GRHPR: variants seen among roughly 807,000 people sequenced by gnomAD.
GRHPR encodes the protein glyoxylate reductase/hydroxypyruvate reductase.
Under a neutral mutation model 36.8 loss-of-function variants are expected in GRHPR, and 35 were observed. The observed-to-expected ratio is 0.95, with a 90% confidence interval of 0.73 to 1.26. The LOEUF is 1.26. GRHPR is among the 50% of genes most tolerant of loss of function. The pLI, the probability that GRHPR is intolerant of heterozygous loss-of-function variation, is 0.00. For missense variants in GRHPR, 380 were observed against 435.0 expected, an observed-to-expected ratio of 0.87 and a Z score of 1.12; for synonymous variants, 179 against 181.0, an observed-to-expected ratio of 0.99 and a Z score of 0.09.
At chr9:37,425,720 C>G (rs1050748404) in intron 2 of GRHPR, among the ~76,000 whole-genome samples, 1 of 152,220 alleles carries the variant, frequency 6.6e-6, no homozygotes. Flanking sequence ...CTGCCTGTGA[C>G]TGAGCCAGGC....
chr9:37,427,252 C>T (rs1428771451), intron 4 of GRHPR, among the ~76,000 whole-genome samples: 1 of 152,168 alleles, frequency 6.6e-6, no homozygotes, highest in African/African-American at 2.4e-5. Context: ...CCGCTTGAGT[C>T]CTGAAAGCTG....
intron 4 of GRHPR, chr9:37,427,837 C>CAAA (rs1402474005): frequency 2.2e-5 from 3 of 137,428 alleles, no homozygotes; most frequent in South Asian, 2.1e-4. Flanking sequence ...GACCCTGTCT[C>CAAA]CAAAAAAAAA....
intron 8 of GRHPR, 150 bp from the exon 9 acceptor site, chr9:37,436,511 A>T: frequency 1.2e-6 from 1 of 828,958 alleles, no homozygotes; most frequent in Non-Finnish European, 2.1e-6. Context: ...TGTCAAGCTT[A>T]GTGAAGGTGG....
intron 7 of GRHPR, 160 bp from the exon 8 acceptor site, chr9:37,431,842 CTGAGTA>C: frequency 6.0e-6 from 4 of 669,446 alleles, no homozygotes; most frequent in South Asian, 3.6e-5. Flanking sequence ...CTGGAGTTCT[CTGAGTA>C]TATAAGACTT....
At chr9:37,434,098 T>C in intron 8 of GRHPR, 1 of 378,432 alleles carries the variant, frequency 2.6e-6, no homozygotes. Flanking sequence ...CAGGTCTTGG[T>C]CTGAGGAGAG....
At chr9:37,433,634 G>C (rs1201464392) in intron 8 of GRHPR, among the ~76,000 whole-genome samples, 5 of 152,140 alleles carry the variant, frequency 3.3e-5, no homozygotes, top group Non-Finnish European at 7.4e-5. Flanking sequence ...TCTGGGGTGG[G>C]GTCTGACAGA....
chr9:37,427,335 G>C (rs1026475938), intron 4 of GRHPR, among the ~76,000 whole-genome samples: 1 of 152,158 alleles, frequency 6.6e-6, no homozygotes. Flanking sequence ...ACTAACAGGA[G>C]ACTATTTAAG....
intron 6 of GRHPR, 167 bp downstream of exon 6, chr9:37,430,003 A>C (rs1474483084): frequency 1.5e-6 from 1 of 673,270 alleles, no homozygotes; most frequent in South Asian, 1.6e-5. Flanking sequence ...TGGCCCACTC[A>C]GGGAGCACAG....
chr9:37,438,451 G>C (rs1162287671), downstream of GRHPR: 1 of 152,564 alleles, frequency 6.6e-6, no homozygotes, highest in African/African-American at 2.4e-5. Flanking sequence ...AGGTAGATGA[G>C]AGATTCCAGG....
chr9:37,439,486 T>C (rs1330037973), downstream of GRHPR: 5 of 152,240 alleles, frequency 3.3e-5, no homozygotes, highest in Admixed American at 3.3e-4. Context: ...ATAAAACCTG[T>C]GTGGGGCATT....
chr9:37,439,099 A>T (rs1823799771), downstream of GRHPR: 1 of 152,214 alleles, frequency 6.6e-6, no homozygotes, highest in Non-Finnish European at 1.5e-5. Flanking sequence ...AAATGAACTC[A>T]TGTTCATGCA....
intron 7 of GRHPR, 43 bp downstream of exon 7, chr9:37,430,689 A>G (rs748663357): frequency 3.2e-5 from 50 of 1,578,930 alleles, no homozygotes; most frequent in Middle Eastern, 3.3e-4. Context: ...GAGAGGAGCC[A>G]TCCCCACTGC....
intron 2 of GRHPR, among the ~76,000 whole-genome samples, 170 bp downstream of exon 2, chr9:37,425,145 C>T (rs1370353532): frequency 6.6e-6 from 1 of 152,242 alleles, no homozygotes; most frequent in Non-Finnish European, 1.5e-5. Context: ...CACTGCCCCT[C>T]CCTCCTGCTG....
rs748100930 is a variant in GRHPR at position 37,429,791 on chromosome 9, C to T, written c.553C>T (p.Arg185Cys). The T allele has an allele frequency of 2.3e-5, 37 of 1,612,896 alleles. No homozygotes were observed. The highest frequency in any genetic ancestry group is 8.0e-5 in the African/African-American group (6 of 74,928). The change falls in exon 6 of 9, where the codon CGC becomes TGC. Residue 185 changes from arginine (R) to cysteine (C), a missense_variant. Coordinates refer to ENST00000318158, the MANE Select transcript of GRHPR (RefSeq NM_012203.2). ...TGTCCAGAGATTTCTGTACACAGGG[C>T]GCCAGCCCAGGCCTGAGGAAGCAGC... ...FGVQRFLYTG[R>C]QPRPEEAAEF...
intron 1 of GRHPR, among the ~76,000 whole-genome samples, chr9:37,424,533 C>G (rs1822983801): frequency 6.6e-6 from 1 of 152,268 alleles, no homozygotes. Flanking sequence ...CACGGGCCTT[C>G]CCTGCAGTTG....
intron 8 of GRHPR, chr9:37,434,521 G>T: frequency 2.4e-6 from 1 of 418,278 alleles, no homozygotes; most frequent in Non-Finnish European, 4.5e-6. Context: ...AAAGCCCGCA[G>T]AACATGTAGA....
At position 37,436,642 on chromosome 9, in the gene GRHPR, C is replaced by G. The variant is rs780130031; in HGVS notation, c.866-19C>G. 18 of 1,611,810 alleles carry G rather than the reference C, an allele frequency of 1.1e-5. No homozygotes were observed. Among genetic ancestry groups the G allele is most frequent in the Non-Finnish European group, 1.2e-5 (14 of 1,179,630 alleles). The stretch of plus-strand genomic sequence containing the variant: ...AACCACCCTTCTTATCTCCCTCTCT[C>G]TCTCTCTCTCCTTTCCAGTGATTCT... On this transcript the variant is annotated intron_variant, in intron 8 of 8. Transcript: ENST00000318158.
At chr9:37,428,340 A>C in intron 4 of GRHPR, 144 bp from the exon 5 acceptor site, 10 of 673,054 alleles carry the variant, frequency 1.5e-5, no homozygotes, top group Non-Finnish European at 2.2e-5. Flanking sequence ...TGCAGTGCCG[A>C]GTGGCAGTGC....
At chr9:37,428,265 C>G (rs1264199965) in intron 4 of GRHPR, 10 of 601,050 alleles carry the variant, frequency 1.7e-5, no homozygotes, top group Non-Finnish European at 3.0e-5. Flanking sequence ...CAGTAAGGCC[C>G]CTTCCCGCCC....
Sources: gnomAD v4.1 joint callset for allele counts (sites outside exome capture counted in the v4.1 genomes callset) on GRCh38, gnomAD v4.1.1 for gene constraint, MANE v1.5 for transcripts, NCBI Gene and HGNC (gene_info 2026-07-23, HGNC 2026-07-21) for gene names.